Variants in DYSF observed in about 807,000 individuals in gnomAD.
The protein encoded by DYSF is dystrophy-associated fer-1-like 1.
In DYSF, 212 loss-of-function variants were observed where a neutral mutation model predicts 274.9. The observed-to-expected ratio is 0.77, with a 90% confidence interval of 0.69 to 0.86. DYSF has a LOEUF of 0.86. Ranked by LOEUF, DYSF falls within the 40% of genes least tolerant of loss-of-function variation. The pLI, the probability that DYSF is intolerant of heterozygous loss-of-function variation, is 0.00. For missense variants in DYSF, 2,666 were observed against 2,783.2 expected, an observed-to-expected ratio of 0.96 and a Z score of 0.95; for synonymous variants, 1,091 against 1,078.7, an observed-to-expected ratio of 1.01 and a Z score of -0.22.
intron 12 of DYSF, 126 bp from the exon 13 acceptor site, chr2:71,526,094 T>C (rs2087864324): frequency 6.5e-7 from 1 of 1,548,210 alleles, no homozygotes; most frequent in East Asian, 2.3e-5. Flanking sequence ...GTAGTAAGTG[T>C]CGGAGCGCAG....
intron 43 of DYSF, among the ~76,000 whole-genome samples, chr2:71,657,724 A>C (rs1366191665): frequency 6.6e-6 from 1 of 152,174 alleles, no homozygotes; most frequent in African/African-American, 2.4e-5. Flanking sequence ...CCCAAGCTGT[A>C]CATTGGCCCC....
At chr2:71,539,909 C>G (rs2089765627) in intron 17 of DYSF, among the ~76,000 whole-genome samples, 1 of 152,170 alleles carries the variant, frequency 6.6e-6, no homozygotes, top group Non-Finnish European at 1.5e-5. Flanking sequence ...AGTGAATACA[C>G]ATATTCCATT....
chr2:71,480,802 G>T, intron 1 of DYSF, 81 bp from the exon 2 acceptor site: 1 of 1,310,582 alleles, frequency 7.6e-7, no homozygotes, highest in Non-Finnish European at 1.1e-6. Context: ...CTGAAGCACA[G>T]GTCTCAGAAG....
At chr2:71,532,693 G>A (rs1160565967) in intron 14 of DYSF, among the ~76,000 whole-genome samples, 2 of 152,204 alleles carry the variant, frequency 1.3e-5, no homozygotes, top group Admixed American at 6.5e-5. Flanking sequence ...CATCCTATGT[G>A]TGTGTTGGGG....
chr2:71,480,783 G>A, intron 1 of DYSF, 100 bp from the exon 2 acceptor site: 1 of 1,102,346 alleles, frequency 9.1e-7, no homozygotes, highest in East Asian at 2.4e-5. Context: ...ATTTCCCTTG[G>A]CGACCAAGCT....
intron 24 of DYSF, among the ~76,000 whole-genome samples, chr2:71,566,995 C>G (rs562950467): frequency 6.6e-6 from 1 of 152,190 alleles, no homozygotes; most frequent in Non-Finnish European, 1.5e-5. Context: ...TGAACCCACC[C>G]GTTTTCTCAC....
intron 47 of DYSF, among the ~76,000 whole-genome samples, chr2:71,666,254 A>G (rs2095005020): frequency 6.6e-6 from 1 of 152,218 alleles, no homozygotes; most frequent in South Asian, 2.1e-4. Context: ...AGGAAACAAA[A>G]GCCAGAAAGC....
rs186795684 is a variant in DYSF at position 71,641,401 on chromosome 2, G to A, written c.4528-2564G>A. On this transcript the variant is annotated intron_variant, in intron 41 of 55. Coordinates refer to ENST00000410020, the MANE Select transcript of DYSF (RefSeq NM_001130987.2). ...TCACCGTGTTAGCCAGGATGGTCTC[G>A]ATCTCCTGACCTCGTGATCCACCCG... is the stretch of plus-strand genomic sequence containing the variant. Among the ~76,000 whole-genome samples, 282 of 151,942 alleles carry A rather than the reference G, an allele frequency of 1.9e-3. 1 individual carries two copies. Among genetic ancestry groups the A allele is most frequent in the African/African-American group, 6.3e-3 (263 of 41,480 alleles).
At chr2:71,675,575 T>TGGCCA (rs2095207146) in intron 52 of DYSF, among the ~76,000 whole-genome samples, 1 of 152,184 alleles carries the variant, frequency 6.6e-6, no homozygotes, top group South Asian at 2.1e-4. Flanking sequence ...GCACCTGGCC[T>TGGCCA]GGCCAAATGC....
At chr2:71,477,402 G>A (rs2082478133) in intron 1 of DYSF, among the ~76,000 whole-genome samples, 2 of 152,286 alleles carry the variant, frequency 1.3e-5, no homozygotes, top group South Asian at 4.2e-4. Context: ...GGGTTCATCT[G>A]TAAGTTGCCG....
chr2:71,601,674 C>T (rs996866717), intron 35 of DYSF, 146 bp downstream of exon 35: 20 of 1,087,654 alleles, frequency 1.8e-5, no homozygotes, highest in Non-Finnish European at 2.6e-5. Flanking sequence ...GAGGAGGGCC[C>T]GGGCTGGAGG....
At chr2:71,532,394 G>A (rs989021189) in intron 14 of DYSF, among the ~76,000 whole-genome samples, 1 of 152,134 alleles carries the variant, frequency 6.6e-6, no homozygotes, top group Non-Finnish European at 1.5e-5. Flanking sequence ...ATACTCCATT[G>A]GGTAGTGAAG....
At chr2:71,651,655 G>A (rs945995162) in intron 42 of DYSF, among the ~76,000 whole-genome samples, 4 of 152,006 alleles carry the variant, frequency 2.6e-5, no homozygotes, top group Admixed American at 1.3e-4. Context: ...AGAAAACCTC[G>A]ATTTTTATAG....
chr2:71,581,864 A>T (rs1389897547), intron 30 of DYSF, among the ~76,000 whole-genome samples: 1 of 152,140 alleles, frequency 6.6e-6, no homozygotes. Context: ...ATAAGGCTTT[A>T]TTGGCCGGTG....
At chr2:71,571,936 A>AACCAG (rs2092499393) in intron 29 of DYSF, among the ~76,000 whole-genome samples, 2 of 144,156 alleles carry the variant, frequency 1.4e-5, no homozygotes. Flanking sequence ...CACAGATCAC[A>AACCAG]CACAGATCAC....
chr2:71,536,158 T>C (rs181308997), intron 16 of DYSF, among the ~76,000 whole-genome samples: 8 of 152,346 alleles, frequency 5.3e-5, no homozygotes, highest in Admixed American at 2.6e-4. Context: ...TCTCAGGGCA[T>C]TGGGCTTCCC....
intron 1 of DYSF, among the ~76,000 whole-genome samples, chr2:71,470,796 CTT>C (rs1178796372): frequency 9.3e-6 from 1 of 107,246 alleles, no homozygotes; most frequent in Admixed American, 9.8e-5. Context: ...TTCCTTCCTT[CTT>C]TTTTTTTTTT....
At position 71,674,275 on chromosome 2, in the gene DYSF, T is replaced by C. The variant is rs2095181530; in HGVS notation, c.5863T>C (p.Phe1955Leu). Residue 1955 changes from phenylalanine to leucine, a missense_variant, in exon 52 of 56, where the codon TTC becomes CTC. Coordinates refer to ENST00000410020, the MANE Select transcript of DYSF (RefSeq NM_001130987.2). ...VVFQIWDNDK[F>L]SFDDFLGSLQ... ...GTTCCAGATCTGGGACAATGACAAG[T>C]TCTCCTTTGATGATTTTCTGGGTAA... The C allele has an allele frequency of 8.7e-6, 14 of 1,614,240 alleles. No individual in the cohort carries two copies. The highest frequency in any genetic ancestry group is 1.2e-5 in the Non-Finnish European group (14 of 1,180,032).
intron 3 of DYSF, among the ~76,000 whole-genome samples, chr2:71,501,812 G>C (rs2084996783): frequency 6.6e-6 from 1 of 152,158 alleles, no homozygotes; most frequent in African/African-American, 2.4e-5. Context: ...ATGGAGACTT[G>C]GTTTGCTTAC....
Sources: allele counts gnomAD v4.1 joint callset (sites outside exome capture counted in the v4.1 genomes callset), GRCh38; gene constraint gnomAD v4.1.1; transcripts MANE v1.5; gene names NCBI Gene and HGNC (gene_info 2026-07-23, HGNC 2026-07-21).